Variants in XIRP2 observed in about 807,000 individuals in gnomAD.
XIRP2 encodes the protein xin actin binding repeat containing 2, also known as xin actin-binding repeat-containing protein 2.
Under a neutral mutation model 277.0 loss-of-function variants are expected in XIRP2, and 236 were observed. The observed-to-expected ratio is 0.85, with a 90% CI of 0.77 to 0.95. The LOEUF (loss-of-function observed/expected upper bound fraction) is 0.95, where lower values mean the gene tolerates loss of function less well. XIRP2 is among the 40% of genes least tolerant of loss of function. The probability of loss-of-function intolerance (pLI) is 0.00; values close to 1 mark genes in which losing one functional copy is unlikely to be tolerated. For missense variants in XIRP2, 4,640 were observed against 4,157.5 expected, an observed-to-expected ratio of 1.12 and a Z score of -3.19; for synonymous variants, 1,490 against 1,416.5, an observed-to-expected ratio of 1.05 and a Z score of -1.17.
intron 3 of XIRP2, among the ~76,000 whole-genome samples, chr2:167,173,237 T>C (rs1289999833): frequency 1.3e-5 from 2 of 152,208 alleles, no homozygotes; most frequent in Non-Finnish European, 2.9e-5. Flanking sequence ...CTAACTTTTT[T>C]TGGACCCATT....
At chr2:167,122,408 TTCTAGGAG>T in intron 2 of XIRP2, among the ~76,000 whole-genome samples, 1 of 152,312 alleles carries the variant, frequency 6.6e-6, no homozygotes, top group Non-Finnish European at 1.5e-5. Flanking sequence ...CATTTGCACA[TTCTAGGAG>T]AAGCAAGGAT....
chr2:167,220,419 T>C (rs1341590267), intron 5 of XIRP2, among the ~76,000 whole-genome samples: 1 of 152,202 alleles, frequency 6.6e-6, no homozygotes, highest in Non-Finnish European at 1.5e-5. Flanking sequence ...CATGGATTTG[T>C]TTAGAAGAAT....
intron 2 of XIRP2, among the ~76,000 whole-genome samples, chr2:167,011,202 G>A (rs889662512): frequency 2.4e-4 from 37 of 151,336 alleles, no homozygotes; most frequent in Middle Eastern, 3.4e-3. Flanking sequence ...GATATTGGCT[G>A]TGGGTTTGTC....
At chr2:167,117,508 G>A (rs1337720267) in intron 2 of XIRP2, among the ~76,000 whole-genome samples, 1 of 152,152 alleles carries the variant, frequency 6.6e-6, no homozygotes, top group East Asian at 1.9e-4. Flanking sequence ...CTTCAAGCAA[G>A]CCTCAGTCAC....
At chr2:167,228,600 G>A (rs1420748814) in intron 5 of XIRP2, among the ~76,000 whole-genome samples, 1 of 152,114 alleles carries the variant, frequency 6.6e-6, no homozygotes, top group Admixed American at 6.6e-5. Flanking sequence ...GACTTGGCAG[G>A]TGGTTAGAAA....
At chr2:166,995,729 G>T (rs1419316492) in intron 2 of XIRP2, among the ~76,000 whole-genome samples, 1 of 152,198 alleles carries the variant, frequency 6.6e-6, no homozygotes, top group Non-Finnish European at 1.5e-5. Context: ...AGCAGGTGTA[G>T]AGCATTACTG....
At chr2:167,047,263 C>T (rs1478716415) in intron 2 of XIRP2, among the ~76,000 whole-genome samples, 1 of 151,496 alleles carries the variant, frequency 6.6e-6, no homozygotes, top group Non-Finnish European at 1.5e-5. Flanking sequence ...AAATTAGTAA[C>T]ATTTCTTTAT....
At chr2:167,049,947 G>A (rs1688876315) in intron 2 of XIRP2, among the ~76,000 whole-genome samples, 1 of 152,062 alleles carries the variant, frequency 6.6e-6, no homozygotes, top group African/African-American at 2.4e-5. Flanking sequence ...AAGAATTTAA[G>A]ATATCTCATT....
At chr2:167,239,758 A>AT (rs77160941) in intron 5 of XIRP2, 97 bp from the exon 6 acceptor site, 138,317 of 1,031,716 alleles carry the variant, frequency 0.13, 11,373 homozygotes, top group African/African-American at 0.32. Flanking sequence ...AAAGAATCTC[A>AT]TTTTTTTTCA....
intron 3 of XIRP2, chr2:167,187,203 A>C (rs1210370217): frequency 1.2e-5 from 12 of 971,978 alleles, no homozygotes; most frequent in Non-Finnish European, 1.5e-5. Context: ...AGAGCCATGC[A>C]TACATTACTG....
At chr2:167,100,809 C>G (rs113501476) in intron 2 of XIRP2, among the ~76,000 whole-genome samples, 1 of 152,098 alleles carries the variant, frequency 6.6e-6, no homozygotes, top group African/African-American at 2.4e-5. Flanking sequence ...TTAGTAATTC[C>G]CTGCTCCCAA....
At chr2:166,924,944 A>G (rs1685144230) in intron 2 of XIRP2, among the ~76,000 whole-genome samples, 1 of 152,126 alleles carries the variant, frequency 6.6e-6, no homozygotes, top group Non-Finnish European at 1.5e-5. Context: ...TCTCTTAACC[A>G]GAAAATGAAT....
chr2:167,001,214 C>G (rs1451512421), intron 2 of XIRP2, among the ~76,000 whole-genome samples: 1 of 151,952 alleles, frequency 6.6e-6, no homozygotes, highest in Non-Finnish European at 1.5e-5. Flanking sequence ...ACTCTAACAC[C>G]AAGCACTAAA....
rs563539782 is a variant in XIRP2 at position 167,077,897 on chromosome 2, G to A, written c.409-58012G>A. 2.6e-5 allele frequency among the ~76,000 whole-genome samples: 4 copies of A among 152,344 alleles called. No homozygotes were observed. In the East Asian group the frequency reaches 5.8e-4, roughly 22 times the overall value. On this transcript the variant is annotated intron_variant, in intron 2 of 10. Coordinates refer to ENST00000409195, the MANE Select transcript of XIRP2 (RefSeq NM_152381.6). ...CTATTGGCGTATAGTATAGTTCGAC[G>A]TTGGGTAATATGATGCCTCTGGCTT...
intron 9 of XIRP2, 88 bp downstream of exon 9, chr2:167,252,035 C>A (rs535135564): frequency 6.1e-6 from 9 of 1,485,692 alleles, no homozygotes; most frequent in African/African-American, 1.4e-5. Context: ...AAAAAGAGTG[C>A]GTGGAAACAA....
intron 2 of XIRP2, among the ~76,000 whole-genome samples, chr2:166,939,301 T>G (rs1685621550): frequency 6.6e-6 from 1 of 152,150 alleles, no homozygotes; most frequent in Admixed American, 6.5e-5. Context: ...TGACAAAATC[T>G]CTCAGCATTT....
intron 9 of XIRP2, among the ~76,000 whole-genome samples, chr2:167,252,610 T>C (rs1695547498): frequency 6.6e-6 from 1 of 151,932 alleles, no homozygotes; most frequent in Admixed American, 6.6e-5. Flanking sequence ...AAACAATGCA[T>C]TTAAAAATTT....
intron 2 of XIRP2, among the ~76,000 whole-genome samples, chr2:166,967,200 A>AAAATT (rs1193283090): frequency 6.6e-6 from 1 of 151,914 alleles, no homozygotes; most frequent in African/African-American, 2.4e-5. Context: ...TAAATAAAAT[A>AAAATT]AAACGTTTGC....
intron 2 of XIRP2, among the ~76,000 whole-genome samples, chr2:167,030,153 CA>C (rs1357492604): frequency 2.6e-5 from 4 of 151,816 alleles, no homozygotes; most frequent in African/African-American, 9.7e-5. Flanking sequence ...GTTAATTTTT[CA>C]AAAAACAAGC....
Sources: gnomAD v4.1 joint callset for allele counts (sites outside exome capture counted in the v4.1 genomes callset) on GRCh38, gnomAD v4.1.1 for gene constraint, MANE v1.5 for transcripts, NCBI Gene and HGNC (gene_info 2026-07-23, HGNC 2026-07-21) for gene names.